CASS4: variants seen among roughly 807,000 people sequenced by gnomAD.
CASS4 encodes the protein Cas scaffold protein family member 4, also known as cas scaffolding protein family member 4.
In CASS4, 22 loss-of-function variants were observed where a neutral mutation model predicts 54.2. The observed-to-expected ratio is 0.41, with a 90% CI of 0.29 to 0.58. CASS4 has a LOEUF of 0.58. Among genes scored for constraint, CASS4 ranks in the 20% least tolerant of loss-of-function variants. The pLI, the probability that CASS4 is intolerant of heterozygous loss-of-function variation, is 0.36. For synonymous variants in CASS4, 409 were observed against 391.5 expected (o/e 1.04, Z -0.53); for missense variants, 854 against 986.7 (o/e 0.87, Z 1.80).
At chr20:56,426,126 T>C (rs1039404360) in intron 1 of CASS4, among the ~76,000 whole-genome samples, 1 of 152,180 alleles carries the variant, frequency 6.6e-6, no homozygotes, top group East Asian at 1.9e-4. Flanking sequence ...ATAGAGTCTG[T>C]GCTAAGCAGA....
rs67266356 is a variant in CASS4, at chr20:56,460,309, G to A, written c.*1562G>A. On this transcript the variant is annotated 3_prime_UTR_variant, in exon 6 of 6. Coordinates refer to ENST00000679887, the MANE Select transcript of CASS4 (RefSeq NM_020356.4). Reference sequence around the variant, plus strand: ...TGCAAAAGTAATTGCGGTTTTTGCCGTAGACAGTAATGGCAAAAACCACAA... The same window carrying A: ...TGCAAAAGTAATTGCGGTTTTTGCCATAGACAGTAATGGCAAAAACCACAA... 60,837 of 151,820 alleles carry A rather than the reference G, an allele frequency of 0.4. 13,209 individuals carry two copies. Among genetic ancestry groups the A allele is most frequent in the East Asian group, 0.93 (4,751 of 5,084 alleles). The allele number at this position is 151,820 out of a possible 1,614,324, so 9.4% of individuals were successfully genotyped here.
At chr20:56,420,991 T>G (rs765185176) in intron 1 of CASS4, among the ~76,000 whole-genome samples, 18 of 152,082 alleles carry the variant, frequency 1.2e-4, no homozygotes, top group Admixed American at 2.6e-4. Flanking sequence ...GAAGAAAAGC[T>G]TAAACAAAAG....
At position 56,426,519 on chromosome 20, in the gene CASS4, G is replaced by A. The variant is rs189790252; in HGVS notation, c.37-10645G>A. Reference sequence around the variant, plus strand: ...GCTACATTGAATCTAAAAGATTAAAGAGGATTTTTCCCTCTTCTTCTTCTT... The same window carrying A: ...GCTACATTGAATCTAAAAGATTAAAAAGGATTTTTCCCTCTTCTTCTTCTT... On this transcript the variant is annotated intron_variant, in intron 1 of 5. Coordinates refer to ENST00000679887, the MANE Select transcript of CASS4 (RefSeq NM_020356.4). Among the ~76,000 whole-genome samples, 1,110 of 152,222 alleles carry A rather than the reference G, an allele frequency of 7.3e-3. 16 individuals carry two copies. Among genetic ancestry groups the A allele is most frequent in the South Asian group, 0.03 (145 of 4,824 alleles).
chr20:56,451,732 G>C (rs183890056), intron 4 of CASS4, 87 bp from the exon 5 acceptor site: 2 of 938,856 alleles, frequency 2.1e-6, no homozygotes, highest in Admixed American at 4.6e-5. Context: ...CTGAAGGAGC[G>C]GCGGAGTGAC....
At chr20:56,451,076 G>A (rs1198938748) in intron 4 of CASS4, among the ~76,000 whole-genome samples, 1 of 151,766 alleles carries the variant, frequency 6.6e-6, no homozygotes, top group Non-Finnish European at 1.5e-5. Context: ...AAATTAGAAT[G>A]CAAATTCCTC....
intron 1 of CASS4, among the ~76,000 whole-genome samples, chr20:56,424,427 A>T (rs1350324446): frequency 6.6e-6 from 1 of 152,144 alleles, no homozygotes; most frequent in East Asian, 1.9e-4. Flanking sequence ...ACTGCAATTC[A>T]TGGGGGAAAA....
chr20:56,444,626 G>C (rs1980619714), intron 2 of CASS4, among the ~76,000 whole-genome samples: 1 of 152,174 alleles, frequency 6.6e-6, no homozygotes, highest in Admixed American at 6.5e-5. Context: ...TTCCCCAGGG[G>C]ACTCGGATCC....
intron 2 of CASS4, among the ~76,000 whole-genome samples, chr20:56,439,905 G>A (rs1254010461): frequency 1.3e-5 from 2 of 152,142 alleles, no homozygotes; most frequent in East Asian, 3.8e-4. Context: ...CCACAGCTCT[G>A]GCAGAGGGTC....
chr20:56,426,227 G>C (rs1480874207), intron 1 of CASS4, among the ~76,000 whole-genome samples: 1 of 152,180 alleles, frequency 6.6e-6, no homozygotes, highest in Non-Finnish European at 1.5e-5. Flanking sequence ...ACTACCTTAA[G>C]CTACTTTCTC....
chr20:56,422,303 A>G (rs1293123266), intron 1 of CASS4, among the ~76,000 whole-genome samples: 5 of 152,244 alleles, frequency 3.3e-5, no homozygotes, highest in Non-Finnish European at 5.9e-5. Flanking sequence ...GGCCACATCC[A>G]TGATAATCAA....
rs114371038 is a variant in CASS4 at position 56,418,646 on chromosome 20, A to G, written c.36+6152A>G. Among the ~76,000 whole-genome samples the G allele has an allele frequency of 4.1e-3, 630 of 152,278 alleles. 4 individuals carry two copies. The highest frequency in any genetic ancestry group is 0.015 in the African/African-American group (604 of 41,544). On this transcript the variant is annotated intron_variant, in intron 1 of 5. Coordinates refer to ENST00000679887, the MANE Select transcript of CASS4 (RefSeq NM_020356.4). ...CCATGGACACGAAGGAGAATCGTGT[A>G]CTCTGTCTTTAAAAAAGTAGAACTT... is the stretch of plus-strand genomic sequence containing the variant.
At chr20:56,450,818 G>C in intron 4 of CASS4, 139 bp downstream of exon 4, 1 of 682,064 alleles carries the variant, frequency 1.5e-6, no homozygotes. Flanking sequence ...TGCATCACCT[G>C]AGGTTGGGAG....
chr20:56,458,831 A>G lies in CASS4; in HGVS notation c.*84A>G, dbSNP rs1981459662. Reference sequence around the variant, plus strand: ...GCAACTCTGCCCTATGGGAAAAGCCAGCCGGGGCATACACCAATGAGCTGA... The same window carrying G: ...GCAACTCTGCCCTATGGGAAAAGCCGGCCGGGGCATACACCAATGAGCTGA... On this transcript the variant is annotated 3_prime_UTR_variant, in exon 6 of 6. Transcript: ENST00000679887. 4 of 1,359,174 alleles carry G rather than the reference A, an allele frequency of 2.9e-6. No individual in the cohort carries two copies. The highest frequency in any genetic ancestry group is 4.0e-6 in the Non-Finnish European group (4 of 1,009,334). The allele number at this position is 1,359,174 out of a possible 1,614,324, so 84.2% of individuals were successfully genotyped here.
chr20:56,455,823 C>T (rs567878550), intron 5 of CASS4, among the ~76,000 whole-genome samples: 51 of 152,144 alleles, frequency 3.4e-4, no homozygotes, highest in African/African-American at 1.2e-3. Context: ...CCCAGCTACT[C>T]GGGAGGCTGA....
chr20:56,437,397 T>C lies in CASS4; in HGVS notation c.270T>C (p.Ala90=). ...CPPFLRGLEE[A]PASSEETYQV... is the part of the protein sequence containing the mutation. ...CATTCCTGAGAGGCCTGGAAGAAGC[T>C]CCTGCCAGCTCAGAGGAGACCTATC... Residue 90 remains alanine, a synonymous_variant, in exon 2 of 6, where the codon GCT becomes GCC. Coordinates refer to ENST00000679887, the MANE Select transcript of CASS4 (RefSeq NM_020356.4). The surrounding 1 kb of genome is among the most constrained non-coding windows in gnomAD (Gnocchi z 4.7). 1 of 1,613,922 alleles carries C rather than the reference T, an allele frequency of 6.2e-7. No homozygotes were observed.
At chr20:56,442,063 G>A (rs367783265) in intron 2 of CASS4, among the ~76,000 whole-genome samples, 2 of 149,020 alleles carry the variant, frequency 1.3e-5, no homozygotes, top group South Asian at 2.1e-4. Flanking sequence ...TCTGAGCCAC[G>A]GGTTTTGAAC....
Position 56,458,955 on chromosome 20 carries a change from G to T in CASS4, c.*208G>T. 1.8e-6 allele frequency: 1 copy of T among 554,708 alleles called. No individual in the cohort carries two copies. Among genetic ancestry groups the T allele is most frequent in the Admixed American group, 3.1e-5 (1 of 32,486 alleles). 34.4% of individuals were successfully genotyped at this position (554,708 alleles called of 1,614,324 possible). A position where few individuals can be genotyped will look rare whatever the true frequency, so the allele number is the denominator to read the frequency against. Reference sequence around the variant, plus strand: ...GGTCAGGAAAGAGAGTCAGGTATGAGGTAAAGACCTTGTGAAGTTTAGCAT... The same window carrying T: ...GGTCAGGAAAGAGAGTCAGGTATGATGTAAAGACCTTGTGAAGTTTAGCAT... On this transcript the variant is annotated 3_prime_UTR_variant, in exon 6 of 6. Transcript: ENST00000679887.
intron 1 of CASS4, among the ~76,000 whole-genome samples, chr20:56,435,474 C>T (rs1400561807): frequency 1.3e-5 from 2 of 152,084 alleles, no homozygotes; most frequent in Non-Finnish European, 2.9e-5. Context: ...CTCTCTTTTT[C>T]TGTAATGAAC....
chr20:56,439,450 T>G (rs1203858660), intron 2 of CASS4, among the ~76,000 whole-genome samples: 1 of 151,818 alleles, frequency 6.6e-6, no homozygotes, highest in African/African-American at 2.4e-5. Flanking sequence ...GCAGGAGGAT[T>G]GCTTGAGCCC....
Sources: gnomAD v4.1 joint callset for allele counts (sites outside exome capture counted in the v4.1 genomes callset) on GRCh38, gnomAD v4.1.1 for gene constraint, Gnocchi (gnomAD v3.1) non-coding constraint, MANE v1.5 for transcripts, NCBI Gene and HGNC (gene_info 2026-07-23, HGNC 2026-07-21) for gene names.